FMO4: variants seen among roughly 807,000 people sequenced by gnomAD.
FMO4 encodes the protein flavin containing dimethylaniline monoxygenase 4.
FMO4 carries 38 observed loss-of-function variants against 43.3 expected under a neutral mutation model. The observed-to-expected ratio is 0.88, with a 90% CI of 0.68 to 1.15. FMO4 has a LOEUF of 1.15. FMO4 is among the 50% of genes most tolerant of loss of function. The pLI is 0.00. For missense variants in FMO4, 631 were observed against 663.3 expected (o/e 0.95, Z 0.54); for synonymous variants, 224 against 232.2 (o/e 0.96, Z 0.32).
chr1:171,341,519 A>C lies in FMO4; in HGVS notation c.1357A>C (p.Lys453Gln). 1 of 1,614,022 alleles carries C rather than the reference A, an allele frequency of 6.2e-7. No homozygotes were observed. The highest frequency in any genetic ancestry group is 8.5e-7 in the Non-Finnish European group (1 of 1,179,958). ...GCCCAGCATCCCACTTCTGTTCCTC[A>C]AGGATCCCAGACTAGCTTGGGAAGT... Reference protein sequence around the residue: ...TKPSIPLLFLKDPRLAWEVFF... With the variant: ...TKPSIPLLFLQDPRLAWEVFF... Residue 453 changes from lysine to glutamine, a missense_variant, in exon 10 of 10, where the codon AAG becomes CAG. Lys to Gln is a moderately conservative substitution (Grantham distance 53, BLOSUM62 1). Coordinates refer to ENST00000367749, the MANE Select transcript of FMO4 (RefSeq NM_002022.3).
At position 171,323,293 on chromosome 1, in the gene FMO4, T is replaced by C; in HGVS notation, c.321+101T>C. On this transcript the variant is annotated intron_variant, in intron 4 of 9. Transcript: ENST00000367749. Reference sequence around the variant, plus strand: ...TAAAGTAAACTTTTTATTGATTTTATCTCCAAATAAATAGGAAGATAATAA... The same window carrying C: ...TAAAGTAAACTTTTTATTGATTTTACCTCCAAATAAATAGGAAGATAATAA... 3 of 738,612 alleles carry C rather than the reference T, an allele frequency of 4.1e-6. No homozygotes were observed. The South Asian group carries it at 5.7e-5, about 14-fold the overall frequency. 45.8% of individuals were successfully genotyped at this position (738,612 alleles called of 1,614,324 possible).
intron 9 of FMO4, among the ~76,000 whole-genome samples, chr1:171,338,656 GC>G (rs1447176627): frequency 3.9e-5 from 6 of 152,156 alleles, no homozygotes; most frequent in Non-Finnish European, 8.8e-5. Flanking sequence ...TAAGAGAGAA[GC>G]CTTCTCTGAC....
chr1:171,341,961 T>C lies in FMO4; in HGVS notation c.*122T>C. On this transcript the variant is annotated 3_prime_UTR_variant, in exon 10 of 10. Coordinates refer to ENST00000367749, the MANE Select transcript of FMO4 (RefSeq NM_002022.3). Reference sequence around the variant, plus strand: ...CAAATTCAGGCCCAGTCATCTCCTATCTGAATTATTGTATTATCTTCTTCT... The same window carrying C: ...CAAATTCAGGCCCAGTCATCTCCTACCTGAATTATTGTATTATCTTCTTCT... The C allele has an allele frequency of 1.4e-6, 1 of 691,510 alleles. No individual in the cohort carries two copies. Among genetic ancestry groups the C allele is most frequent in the East Asian group, 2.7e-5 (1 of 37,182 alleles). 42.8% of individuals were successfully genotyped at this position (691,510 alleles called of 1,614,324 possible).
intron 2 of FMO4, among the ~76,000 whole-genome samples, chr1:171,319,207 GA>G (rs762186047): frequency 1.3e-4 from 20 of 152,248 alleles, no homozygotes; most frequent in Admixed American, 3.3e-4. Context: ...TGGGGAGCTG[GA>G]AAGGGGATGG....
chr1:171,331,493 A>G (rs1478282989), intron 5 of FMO4, 147 bp from the exon 6 acceptor site: 1 of 665,896 alleles, frequency 1.5e-6, no homozygotes, highest in Non-Finnish European at 2.5e-6. Flanking sequence ...GGGAGGTTAT[A>G]TGCTTTTTCT....
At chr1:171,327,632 A>G (rs1009352251) in intron 5 of FMO4, among the ~76,000 whole-genome samples, 1 of 152,114 alleles carries the variant, frequency 6.6e-6, no homozygotes, top group African/African-American at 2.4e-5. Flanking sequence ...TCGTTAATAC[A>G]GACAAGGTGT....
At position 171,333,029 on chromosome 1, in the gene FMO4, A is replaced by G. The variant is rs778603971; in HGVS notation, c.827+121A>G. On this transcript the variant is annotated intron_variant, in intron 7 of 9. Coordinates refer to ENST00000367749, the MANE Select transcript of FMO4 (RefSeq NM_002022.3). ...CCTTTGTTTATTCTACTCTAAATCC[A>G]TTTCCCTAAAACACTGTTCATCAGG... The G allele has an allele frequency of 2.2e-5, 14 of 640,468 alleles. No homozygotes were observed. In the East Asian group the frequency reaches 3.3e-4, roughly 15 times the overall value. 39.7% of individuals were successfully genotyped at this position (640,468 alleles called of 1,614,324 possible). A position where few individuals can be genotyped will look rare whatever the true frequency, so the allele number is the denominator to read the frequency against.
chr1:171,340,187 G>A (rs1244720838), intron 9 of FMO4, among the ~76,000 whole-genome samples: 2 of 152,152 alleles, frequency 1.3e-5, no homozygotes, highest in Non-Finnish European at 2.9e-5. Context: ...AATTCTAGCT[G>A]TATGATTTGT....
intron 6 of FMO4, among the ~76,000 whole-genome samples, chr1:171,332,046 A>G (rs1473165930): frequency 6.6e-6 from 1 of 152,192 alleles, no homozygotes; most frequent in African/African-American, 2.4e-5. Context: ...AGCATTTTTC[A>G]GGAGTGCTTC....
At chr1:171,333,966 G>C (rs1458442999) in intron 7 of FMO4, among the ~76,000 whole-genome samples, 2 of 152,092 alleles carry the variant, frequency 1.3e-5, no homozygotes, top group African/African-American at 2.4e-5. Context: ...TGGGACTACA[G>C]GTGCAGGCCA....
At chr1:171,341,064 T>A (rs1271220254) in intron 9 of FMO4, among the ~76,000 whole-genome samples, 1 of 152,146 alleles carries the variant, frequency 6.6e-6, no homozygotes, top group Non-Finnish European at 1.5e-5. Flanking sequence ...TTCCCACATC[T>A]TTCCTCAAGT....
intron 2 of FMO4, among the ~76,000 whole-genome samples, chr1:171,317,619 T>A (rs2101872768): frequency 6.6e-6 from 1 of 152,322 alleles, no homozygotes; most frequent in Non-Finnish European, 1.5e-5. Context: ...TATATCTCCA[T>A]GTGTGTGTAT....
chr1:171,333,070 T>C (rs1662968719), intron 7 of FMO4, 162 bp downstream of exon 7: 1 of 541,640 alleles, frequency 1.8e-6, no homozygotes. Context: ...CAGCAGTTTT[T>C]AAAATATATG....
intron 5 of FMO4, among the ~76,000 whole-genome samples, chr1:171,331,273 T>C (rs1662889813): frequency 6.6e-6 from 1 of 152,234 alleles, no homozygotes; most frequent in African/African-American, 2.4e-5. Flanking sequence ...CACAGTTGGA[T>C]ATAATACTTA....
intron 6 of FMO4, among the ~76,000 whole-genome samples, 184 bp from the exon 7 acceptor site, chr1:171,332,525 A>C (rs570206053): frequency 6.6e-5 from 10 of 152,188 alleles, no homozygotes; most frequent in Non-Finnish European, 1.5e-4. Flanking sequence ...AGATCTAGTA[A>C]AGTGATTTTG....
chr1:171,338,255 C>A (rs1194277874), intron 9 of FMO4, among the ~76,000 whole-genome samples: 4 of 152,130 alleles, frequency 2.6e-5, no homozygotes, highest in African/African-American at 9.7e-5. Context: ...CCATCCCAGA[C>A]CAGACCACCA....
chr1:171,334,548 A>G lies in FMO4; in HGVS notation c.965A>G (p.Asp322Gly), dbSNP rs139018321. 3 of 1,613,060 alleles carry G rather than the reference A, an allele frequency of 1.9e-6. No individual in the cohort carries two copies. The highest frequency in any genetic ancestry group is 2.7e-5 in the African/African-American group (2 of 74,926). The part of the protein sequence containing the change: ...FEDGTVEENI[D>G]VVIFTTGYTF... The stretch of plus-strand genomic sequence containing the variant: ...GATGGGACAGTGGAAGAAAACATTG[A>G]TGTTGTGATCTTCACTACAGGATAT... The change falls in exon 8 of 10, where the codon GAT becomes GGT. Residue 322 changes from aspartate to glycine, a missense_variant. Transcript: ENST00000367749.
Position 171,325,817 on chromosome 1 carries a change from C to CTTTTTTTTTTTTTTTTTTTTTT in FMO4, c.484+1544_484+1565dup, listed in dbSNP as rs869107866. The stretch of plus-strand genomic sequence containing the variant: ...TAAATTCAGTTCCACATAGACTATC[C>CTTTTTTTTTTTTTTTTTTTTTT]TTTTTTTTTTTTTTTTTTTTTTTTT... On this transcript the variant is annotated intron_variant, in intron 5 of 9. Transcript: ENST00000367749. 7.8e-5 allele frequency among the ~76,000 whole-genome samples: 4 copies of CTTTTTTTTTTTTTTTTTTTTTT among 51,032 alleles called. 2 individuals are homozygous for CTTTTTTTTTTTTTTTTTTTTTT. Among genetic ancestry groups the CTTTTTTTTTTTTTTTTTTTTTT allele is most frequent in the Non-Finnish European group, 1.6e-4 (4 of 24,830 alleles). The allele number at this position is 51,032 out of a possible 152,430, so 33.5% of individuals were successfully genotyped here. A position where few individuals can be genotyped will look rare whatever the true frequency, so the allele number is the denominator to read the frequency against.
intron 1 of FMO4, among the ~76,000 whole-genome samples, chr1:171,315,356 T>C (rs533749218): frequency 2.4e-4 from 37 of 152,240 alleles, no homozygotes; most frequent in Non-Finnish European, 4.9e-4. Flanking sequence ...GTCCACTTTA[T>C]AGTTTGCAGA....
Sources: allele counts gnomAD v4.1 joint callset (sites outside exome capture counted in the v4.1 genomes callset), GRCh38; gene constraint gnomAD v4.1.1; transcripts MANE v1.5; gene names NCBI Gene and HGNC (gene_info 2026-07-23, HGNC 2026-07-21).